Variants in IL1RAPL2 observed in about 807,000 individuals in gnomAD.
IL1RAPL2 encodes the protein interleukin 1 receptor accessory protein like 2.
IL1RAPL2 carries 3 observed loss-of-function variants against 44.1 expected under a neutral mutation model. The ratio of observed to expected loss-of-function variants is 0.07; its 90% CI spans 0.03 to 0.18. The LOEUF (loss-of-function observed/expected upper bound fraction) is 0.18. Ranked by LOEUF, IL1RAPL2 falls within the 10% of genes least tolerant of loss-of-function variation. IL1RAPL2 has a pLI of 1.00. For missense variants in IL1RAPL2, 391 were observed against 496.4 expected, an observed-to-expected ratio of 0.79 and a Z score of 2.02; for synonymous variants, 181 against 178.8, an observed-to-expected ratio of 1.01 and a Z score of -0.10.
intron 2 of IL1RAPL2, chrX:104,804,158 C>T (rs1932904741): frequency 8.9e-6 from 1 of 112,186 alleles, no homozygotes; most frequent in South Asian, 3.7e-4. Flanking sequence ...CTTGTGGCTG[C>T]ACCACAACTC....
intron 1 of IL1RAPL2, among the ~76,000 whole-genome samples, chrX:104,614,049 G>T (rs991802743): frequency 1.8e-5 from 2 of 110,292 alleles, no homozygotes; most frequent in Non-Finnish European, 3.8e-5. Flanking sequence ...TACCTTTGTT[G>T]TTTCTGATTT....
chrX:105,247,489 G>A (rs940847633), intron 4 of IL1RAPL2, among the ~76,000 whole-genome samples: 7 of 110,286 alleles, frequency 6.3e-5, no homozygotes, highest in African/African-American at 2.3e-4. Context: ...AGCCCAAAGA[G>A]GTTAAGTGAC....
At position 104,614,311 on chromosome X, in the gene IL1RAPL2, A is replaced by G. The variant is rs1250613012; in HGVS notation, c.-19-44584A>G. Among the ~76,000 whole-genome samples, 5 of 111,174 alleles carry G rather than the reference A, an allele frequency of 4.5e-5. No homozygotes were observed. The East Asian group carries it at 1.4e-3, about 31-fold the overall frequency. ...AATTTGAGTTCTTTCTAACTTTTTG[A>G]GGTAGGTGTCTTCTATGTAATTATG... On this transcript the variant is annotated intron_variant, in intron 1 of 10. Transcript: ENST00000372582.
chrX:105,717,227 A>G (rs1225691634), intron 6 of IL1RAPL2, 140 bp from the exon 7 acceptor site: 1 of 432,579 alleles, frequency 2.3e-6, no homozygotes, highest in African/African-American at 2.5e-5. Context: ...AATTTTTCCC[A>G]GGTACAATGA....
chrX:105,442,936 C>G (rs1046398543), intron 5 of IL1RAPL2, among the ~76,000 whole-genome samples: 4 of 111,226 alleles, frequency 3.6e-5, no homozygotes, highest in African/African-American at 9.8e-5. Context: ...AGTAGCCCAG[C>G]GTGGTGGTGG....
At chrX:105,760,966 G>A (rs747161796) in intron 10 of IL1RAPL2, among the ~76,000 whole-genome samples, 2 of 110,445 alleles carry the variant, frequency 1.8e-5, no homozygotes, top group East Asian at 2.9e-4. Flanking sequence ...ATTTCCTGAG[G>A]TCAGGAGTTC....
chrX:104,977,469 T>C (rs2030359848), intron 2 of IL1RAPL2, among the ~76,000 whole-genome samples: 2 of 111,918 alleles, frequency 1.8e-5, no homozygotes, highest in African/African-American at 6.5e-5. Flanking sequence ...TCTCACCATC[T>C]CTTGCCAATT....
intron 2 of IL1RAPL2, among the ~76,000 whole-genome samples, chrX:105,088,897 A>G (rs748401803): frequency 2.1e-4 from 23 of 111,822 alleles, no homozygotes; most frequent in Non-Finnish European, 1.1e-4. Context: ...TAATGAAAAT[A>G]GCTGAGCCCC....
chrX:105,119,452 G>A (rs1034557937), intron 2 of IL1RAPL2, among the ~76,000 whole-genome samples: 4 of 110,741 alleles, frequency 3.6e-5, no homozygotes, highest in African/African-American at 6.6e-5. Context: ...TCTGCACAGC[G>A]GCTCGATCCT....
intron 1 of IL1RAPL2, among the ~76,000 whole-genome samples, chrX:104,568,332 G>C (rs764533416): frequency 1.6e-4 from 18 of 111,593 alleles, no homozygotes; most frequent in Non-Finnish European, 3.4e-4. Flanking sequence ...AGTTCAGCAC[G>C]GGCGTCCTAC....
intron 2 of IL1RAPL2, among the ~76,000 whole-genome samples, chrX:104,915,596 G>A (rs1353480784): frequency 1.8e-5 from 2 of 109,995 alleles, no homozygotes; most frequent in African/African-American, 6.6e-5. Context: ...GTCAATTTTG[G>A]CTTTTGTTGC....
intron 2 of IL1RAPL2, among the ~76,000 whole-genome samples, chrX:105,034,273 G>A (rs1347250702): frequency 1.8e-5 from 2 of 112,351 alleles, no homozygotes; most frequent in African/African-American, 3.2e-5. Context: ...GTGAGGAGCT[G>A]CGTTCCTTTG....
At chrX:105,084,720 G>A (rs1302313772) in intron 2 of IL1RAPL2, among the ~76,000 whole-genome samples, 1 of 112,068 alleles carries the variant, frequency 8.9e-6, no homozygotes, top group Non-Finnish European at 1.9e-5. Flanking sequence ...TTGGGGTACT[G>A]TTGGGAAGAT....
At chrX:104,989,042 G>A (rs1000623112) in intron 2 of IL1RAPL2, among the ~76,000 whole-genome samples, 5 of 111,687 alleles carry the variant, frequency 4.5e-5, no homozygotes, top group African/African-American at 1.6e-4. Flanking sequence ...TGGACAAAGT[G>A]TGTGTATATC....
intron 6 of IL1RAPL2, among the ~76,000 whole-genome samples, chrX:105,649,306 A>T (rs1424981911): frequency 9.0e-6 from 1 of 110,574 alleles, no homozygotes; most frequent in Non-Finnish European, 1.9e-5. Flanking sequence ...TCAAGCAAAA[A>T]GAGGCAAATA....
At chrX:105,711,905 C>A (rs2038214055) in intron 6 of IL1RAPL2, among the ~76,000 whole-genome samples, 1 of 112,386 alleles carries the variant, frequency 8.9e-6, no homozygotes. Flanking sequence ...CTTTGCCTCC[C>A]TGTCCCATAT....
intron 5 of IL1RAPL2, among the ~76,000 whole-genome samples, chrX:105,387,417 T>C (rs1014256931): frequency 1.8e-5 from 2 of 109,968 alleles, no homozygotes; most frequent in Non-Finnish European, 3.8e-5. Flanking sequence ...GTATTTTTAG[T>C]AGAGACGGGG....
chrX:105,500,267 A>G (rs1225899585), intron 6 of IL1RAPL2, among the ~76,000 whole-genome samples: 3 of 110,552 alleles, frequency 2.7e-5, no homozygotes, highest in African/African-American at 9.9e-5. Context: ...ACAACAATGG[A>G]TATATAGATA....
chrX:104,823,377 A>G (rs779256222), intron 2 of IL1RAPL2, among the ~76,000 whole-genome samples: 1 of 110,612 alleles, frequency 9.0e-6, no homozygotes, highest in South Asian at 3.9e-4. Context: ...GTGATAGTTT[A>G]CTGAGAATGA....
Sources: allele counts gnomAD v4.1 joint callset (sites outside exome capture counted in the v4.1 genomes callset), GRCh38; gene constraint gnomAD v4.1.1; transcripts MANE v1.5; gene names NCBI Gene and HGNC (gene_info 2026-07-23, HGNC 2026-07-21).